IL1F10: variants seen among roughly 807,000 people sequenced by gnomAD.
The protein encoded by IL1F10 is interleukin-1 family member 10.
A neutral mutation model predicts 13.1 loss-of-function variants in IL1F10; 13 were observed. That is an observed-to-expected ratio of 0.99 (90% CI 0.64 to 1.57). The LOEUF is 1.57. Ranked by LOEUF, IL1F10 falls within the 40% of genes most tolerant of loss-of-function variation. IL1F10 has a pLI of 0.00. For synonymous variants in IL1F10, 78 were observed against 68.2 expected, an observed-to-expected ratio of 1.14 and a Z score of -0.71; for missense variants, 191 against 184.1, an observed-to-expected ratio of 1.04 and a Z score of -0.22.
At chr2:113,072,420 A>C (rs997442736) in intron 1 of IL1F10, 2 of 290,640 alleles carry the variant, frequency 6.9e-6, no homozygotes, top group Non-Finnish European at 1.3e-5. Context: ...TGGCTCAGCT[A>C]TTTGGGGGAA....
Position 113,074,592 on chromosome 2 carries a change from C to T in IL1F10, c.119-131C>T, listed in dbSNP as rs753494741. The stretch of plus-strand genomic sequence containing the variant: ...GACTCCTGCAGAAGTCCTGGCTCAC[C>T]GTCCAGTCTGCATGCAGGGCCAGGC... On this transcript the variant is annotated intron_variant, in intron 3 of 4. Transcript: ENST00000341010. 29 of 1,239,394 alleles carry T rather than the reference C, an allele frequency of 2.3e-5. No individual in the cohort carries two copies. In the Admixed American group the frequency reaches 2.9e-4, roughly 12 times the overall value. The allele number at this position is 1,239,394 out of a possible 1,614,324, so 76.8% of individuals were successfully genotyped here.
Position 113,074,407 on chromosome 2 carries a change from C to A in IL1F10, c.111C>A (p.Cys37Ter). Reference protein sequence around the residue: ...LLVGDPVADNCCAEKICILPN... With the variant: ...LLVGDPVADN ...TGGGAGATCCTGTTGCAGACAACTG[C>A]TGTGCAGGTGAGCTTCTGGGGCCTC... Residue 37 changes from cysteine to a stop codon, truncating the protein, a stop_gained, in exon 3 of 5, where the codon TGC becomes TGA. Transcript: ENST00000341010. LOFTEE classifies it high-confidence loss of function. The A allele has an allele frequency of 6.2e-7, 1 of 1,612,738 alleles. No individual in the cohort carries two copies. Among genetic ancestry groups the A allele is most frequent in the South Asian group, 1.1e-5 (1 of 91,028 alleles).
chr2:113,072,737 G>C lies in IL1F10; in HGVS notation c.-2G>C, dbSNP rs141453953. Reference sequence around the variant, plus strand: ...GAGGACCAGACACCACTGATTGCAGGAATGTGTTCCCTCCCCATGGCAAGA... The same window carrying C: ...GAGGACCAGACACCACTGATTGCAGCAATGTGTTCCCTCCCCATGGCAAGA... On this transcript the variant is annotated 5_prime_UTR_variant, in exon 2 of 5. Transcript: ENST00000341010. 115 of 1,613,146 alleles carry C rather than the reference G, an allele frequency of 7.1e-5. No homozygotes were observed. The highest frequency in any genetic ancestry group is 9.6e-5 in the Non-Finnish European group (113 of 1,179,526).
chr2:113,075,106 C>T, intron 4 of IL1F10, 46 bp from the exon 5 acceptor site: 1 of 1,533,084 alleles, frequency 6.5e-7, no homozygotes. Flanking sequence ...GGGCTAACAC[C>T]TCCATCAGCA....
Position 113,072,730 on chromosome 2 carries a change from A to T in IL1F10, c.-9A>T. The T allele has an allele frequency of 1.2e-6, 2 of 1,612,892 alleles. No individual in the cohort carries two copies. The highest frequency in any genetic ancestry group is 1.7e-6 in the Non-Finnish European group (2 of 1,179,300). On this transcript the variant is annotated 5_prime_UTR_variant, in exon 2 of 5. Coordinates refer to ENST00000341010, the MANE Select transcript of IL1F10 (RefSeq NM_173161.3). ...CATCAGTGAGGACCAGACACCACTG[A>T]TTGCAGGAATGTGTTCCCTCCCCAT...
rs145747856 is a variant in IL1F10, at chr2:113,070,038, T to C, written c.-29+2022T>C. Reference sequence around the variant, plus strand: ...ATGGGGAAAGCCCAAGTTTAGCTGATGGCAGTGTTTGAGCCAGGACAGGTG... The same window carrying C: ...ATGGGGAAAGCCCAAGTTTAGCTGACGGCAGTGTTTGAGCCAGGACAGGTG... On this transcript the variant is annotated intron_variant, in intron 1 of 4. Transcript: ENST00000341010. 1.1e-3 allele frequency among the ~76,000 whole-genome samples: 167 copies of C among 152,290 alleles called. 1 individual carries two copies. Among genetic ancestry groups the C allele is most frequent in the African/African-American group, 3.9e-3 (163 of 41,558 alleles).
intron 1 of IL1F10, among the ~76,000 whole-genome samples, chr2:113,071,428 A>G (rs1472419870): frequency 6.6e-6 from 1 of 152,186 alleles, no homozygotes; most frequent in Admixed American, 6.5e-5. Context: ...TATTTTTCCT[A>G]AGAGTAAGGG....
At chr2:113,070,116 G>A (rs142841836) in intron 1 of IL1F10, among the ~76,000 whole-genome samples, 2 of 152,110 alleles carry the variant, frequency 1.3e-5, no homozygotes, top group East Asian at 3.9e-4. Context: ...ATGAGAGGAA[G>A]AAAAGAGGGA....
chr2:113,075,158 A>T lies in IL1F10; in HGVS notation c.253A>T (p.Asn85Tyr), dbSNP rs770673479. 1 of 1,603,086 alleles carries T rather than the reference A, an allele frequency of 6.2e-7. No homozygotes were observed. The highest frequency in any genetic ancestry group is 8.5e-7 in the Non-Finnish European group (1 of 1,173,068). Residue 85 changes from asparagine (N) to tyrosine (Y), a missense_variant, in exon 5 of 5, where the codon AAC becomes TAC. By Grantham distance (143) the Asn-to-Tyr change is moderately radical. Transcript: ENST00000341010. ...EGPSLQLEDV[N>Y]IEELYKGGEE... is the part of the protein sequence containing the mutation. ...ATCCACCTTGCCCCCACAGGATGTG[A>T]ACATTGAGGAACTGTACAAAGGTGG...
chr2:113,075,397 C>T lies in IL1F10; in HGVS notation c.*33C>T, dbSNP rs765324777. The stretch of plus-strand genomic sequence containing the variant: ...GGAAACTGCGTTTTAGCCTTGTGCC[C>T]CCAAACCAAGCTCATCCTGCTCAGG... On this transcript the variant is annotated 3_prime_UTR_variant, in exon 5 of 5. Transcript: ENST00000341010. 1.3e-6 allele frequency: 2 copies of T among 1,492,716 alleles called. No homozygotes were observed. Among genetic ancestry groups the T allele is most frequent in the Middle Eastern group, 1.8e-4 (1 of 5,518 alleles). 92.5% of individuals were successfully genotyped at this position (1,492,716 alleles called of 1,614,324 possible).
Position 113,075,391 on chromosome 2 carries a change from T to C in IL1F10, c.*27T>C. 6.6e-7 allele frequency: 1 copy of C among 1,517,068 alleles called. No homozygotes were observed. Among genetic ancestry groups the C allele is most frequent in the South Asian group, 1.3e-5 (1 of 77,728 alleles). The allele number at this position is 1,517,068 out of a possible 1,614,324, so 94.0% of individuals were successfully genotyped here. On this transcript the variant is annotated 3_prime_UTR_variant, in exon 5 of 5. Transcript: ENST00000341010. ...GAGACAGGAAACTGCGTTTTAGCCTTGTGCCCCCAAACCAAGCTCATCCTG... is the reference window on the plus strand; with the variant it reads ...GAGACAGGAAACTGCGTTTTAGCCTCGTGCCCCCAAACCAAGCTCATCCTG...
intron 4 of IL1F10, 40 bp from the exon 5 acceptor site, chr2:113,075,112 C>A: frequency 6.5e-7 from 1 of 1,545,364 alleles, no homozygotes; most frequent in South Asian, 1.2e-5. Flanking sequence ...ACACCTCCAT[C>A]AGCACTCTCA....
At chr2:113,074,523 G>C (rs1685899360) in intron 3 of IL1F10, 109 bp downstream of exon 3, 1 of 1,093,966 alleles carries the variant, frequency 9.1e-7, no homozygotes. Context: ...GTGACAGTGA[G>C]AAGGGCCAGA....
chr2:113,073,467 A>G (rs1685874639), intron 2 of IL1F10, among the ~76,000 whole-genome samples: 1 of 152,142 alleles, frequency 6.6e-6, no homozygotes, highest in Admixed American at 6.5e-5. Flanking sequence ...AGCAAGACAC[A>G]TACATAGGAA....
chr2:113,070,069 C>T (rs532088163), intron 1 of IL1F10, among the ~76,000 whole-genome samples: 2 of 151,920 alleles, frequency 1.3e-5, no homozygotes, highest in Non-Finnish European at 2.9e-5. Flanking sequence ...AGGTGAATTG[C>T]GGAGGTCTGA....
chr2:113,071,357 C>T (rs561091299), intron 1 of IL1F10, among the ~76,000 whole-genome samples: 2 of 152,204 alleles, frequency 1.3e-5, no homozygotes, highest in South Asian at 2.1e-4. Context: ...TTTTCAACTT[C>T]TTGCTATTGT....
At chr2:113,072,583 G>A in intron 1 of IL1F10, 128 bp from the exon 2 acceptor site, 2 of 614,602 alleles carry the variant, frequency 3.3e-6, no homozygotes, top group Non-Finnish European at 2.9e-6. Flanking sequence ...GATTCTGGCA[G>A]GCCAATTATA....
At chr2:113,068,626 C>T (rs1233276518) in intron 1 of IL1F10, among the ~76,000 whole-genome samples, 1 of 152,148 alleles carries the variant, frequency 6.6e-6, no homozygotes, top group Non-Finnish European at 1.5e-5. Flanking sequence ...AGGACTCAGC[C>T]TTTCTATTCA....
intron 1 of IL1F10, among the ~76,000 whole-genome samples, chr2:113,069,086 G>A (rs1188416532): frequency 1.3e-5 from 2 of 152,208 alleles, no homozygotes; most frequent in African/African-American, 4.8e-5. Flanking sequence ...CAAAAGATCT[G>A]AATGGATGAC....
Sources: gnomAD v4.1 joint callset for allele counts (sites outside exome capture counted in the v4.1 genomes callset) on GRCh38, gnomAD v4.1.1 for gene constraint, MANE v1.5 for transcripts, NCBI Gene and HGNC (gene_info 2026-07-23, HGNC 2026-07-21) for gene names.